Variants in SCUBE1 observed in about 807,000 individuals in gnomAD.
SCUBE1 encodes the protein signal peptide, CUB domain and EGF like domain containing 1.
In SCUBE1, 59 loss-of-function variants were observed where a neutral mutation model predicts 124.4. The observed-to-expected ratio is 0.47, with a 90% confidence interval of 0.38 to 0.59. The LOEUF is 0.59. Among genes scored for constraint, SCUBE1 ranks in the 20% least tolerant of loss-of-function variants. The pLI is 0.00. For synonymous variants in SCUBE1, 545 were observed against 550.9 expected (o/e 0.99, Z 0.15); for missense variants, 1,150 against 1,371.2 (o/e 0.84, Z 2.55).
intron 4 of SCUBE1, among the ~76,000 whole-genome samples, chr22:43,278,937 C>T (rs1011705223): frequency 2.0e-5 from 3 of 152,110 alleles, no homozygotes; most frequent in Non-Finnish European, 4.4e-5. Flanking sequence ...CTCCTGAGGA[C>T]ACCTGTGGGC....
At chr22:43,259,939 T>C (rs1923810798) in intron 5 of SCUBE1, among the ~76,000 whole-genome samples, 1 of 152,148 alleles carries the variant, frequency 6.6e-6, no homozygotes. Flanking sequence ...GGATGAGAGC[T>C]CAGCTTTCAT....
intron 3 of SCUBE1, among the ~76,000 whole-genome samples, chr22:43,308,138 A>G (rs1009401924): frequency 2.6e-5 from 4 of 152,244 alleles, no homozygotes; most frequent in African/African-American, 9.6e-5. Context: ...TTGGGAAAAG[A>G]AGGAAGCGAG....
intron 7 of SCUBE1, chr22:43,238,051 T>TCGAGAGCCCACCCAGCTCTCC (rs1269388190): frequency 6.6e-6 from 1 of 152,578 alleles, no homozygotes; most frequent in African/African-American, 2.4e-5. Context: ...CAGGGCTGTC[T>TCGAGAGCCCACCCAGCTCTCC]CGAGAGCCCA....
chr22:43,253,274 A>C (rs1923527691), intron 6 of SCUBE1, among the ~76,000 whole-genome samples: 1 of 152,158 alleles, frequency 6.6e-6, no homozygotes, highest in Non-Finnish European at 1.5e-5. Context: ...CTTAGAGGAG[A>C]TGGTGCTAAG....
intron 3 of SCUBE1, among the ~76,000 whole-genome samples, chr22:43,293,301 T>C (rs1157655371): frequency 6.6e-6 from 1 of 152,242 alleles, no homozygotes; most frequent in African/African-American, 2.4e-5. Context: ...TGACAGGTCA[T>C]GTTATTGACC....
At chr22:43,276,882 T>C (rs1417888810) in intron 4 of SCUBE1, among the ~76,000 whole-genome samples, 1 of 152,220 alleles carries the variant, frequency 6.6e-6, no homozygotes. Context: ...CAGGGCAGCA[T>C]GCTTTCGGTT....
intron 6 of SCUBE1, among the ~76,000 whole-genome samples, chr22:43,241,072 C>T (rs112004665): frequency 0.085 from 12,914 of 152,112 alleles, 582 homozygotes; most frequent in Non-Finnish European, 0.11. Context: ...GAGACAGACC[C>T]GGCCAAACAG....
intron 2 of SCUBE1, among the ~76,000 whole-genome samples, chr22:43,320,905 C>G (rs1410004933): frequency 6.6e-6 from 1 of 152,238 alleles, no homozygotes; most frequent in Non-Finnish European, 1.5e-5. Flanking sequence ...CCGGTCACAC[C>G]TGGCGTCCTT....
intron 8 of SCUBE1, 30 bp from the exon 9 acceptor site, chr22:43,229,218 G>A: frequency 7.1e-7 from 1 of 1,400,196 alleles, no homozygotes; most frequent in Admixed American, 1.7e-5. Context: ...CAAAGTTGGG[G>A]GAGGAGTTTG....
At chr22:43,219,803 TG>T (rs986107377) in intron 14 of SCUBE1, among the ~76,000 whole-genome samples, 1 of 152,118 alleles carries the variant, frequency 6.6e-6, no homozygotes, top group East Asian at 1.9e-4. Context: ...AGCCCTCCCG[TG>T]GGGGGCAGAC....
intron 8 of SCUBE1, among the ~76,000 whole-genome samples, chr22:43,229,410 G>C (rs560096402): frequency 6.6e-6 from 1 of 152,190 alleles, no homozygotes; most frequent in Non-Finnish European, 1.5e-5. Flanking sequence ...GCCACCTCAC[G>C]TCTTTTCTGG....
At chr22:43,271,387 C>T (rs1006602434) in intron 4 of SCUBE1, among the ~76,000 whole-genome samples, 3 of 152,302 alleles carry the variant, frequency 2.0e-5, no homozygotes, top group South Asian at 2.1e-4. Context: ...GCACAGAAAC[C>T]GTCTGATAAA....
chr22:43,264,321 G>T (rs1192023871), intron 4 of SCUBE1, among the ~76,000 whole-genome samples: 1 of 152,230 alleles, frequency 6.6e-6, no homozygotes, highest in Admixed American at 6.5e-5. Context: ...TCTCACAGAG[G>T]AGCTGTGCAA....
At chr22:43,297,450 G>A (rs1016166395) in intron 3 of SCUBE1, among the ~76,000 whole-genome samples, 6 of 152,216 alleles carry the variant, frequency 3.9e-5, no homozygotes, top group African/African-American at 1.2e-4. Context: ...GGCGGCGGAC[G>A]GCCCTCAGCT....
chr22:43,271,768 T>C (rs1924301828), intron 4 of SCUBE1, among the ~76,000 whole-genome samples: 1 of 152,094 alleles, frequency 6.6e-6, no homozygotes, highest in Admixed American at 6.5e-5. Flanking sequence ...TAGGGGGTAG[T>C]CCCCTCTGGG....
At chr22:43,298,226 A>C (rs1338893499) in intron 3 of SCUBE1, among the ~76,000 whole-genome samples, 2 of 152,252 alleles carry the variant, frequency 1.3e-5, no homozygotes, top group Non-Finnish European at 1.5e-5. Context: ...TGCCAGATCC[A>C]GAACACTCTC....
intron 4 of SCUBE1, among the ~76,000 whole-genome samples, chr22:43,267,150 C>T (rs1601841704): frequency 2.0e-5 from 3 of 152,068 alleles, no homozygotes; most frequent in East Asian, 3.9e-4. Flanking sequence ...TAGTTGCTTC[C>T]GTCACACTCT....
intron 3 of SCUBE1, among the ~76,000 whole-genome samples, chr22:43,313,771 G>T (rs1051478787): frequency 6.6e-6 from 1 of 152,184 alleles, no homozygotes; most frequent in Non-Finnish European, 1.5e-5. Flanking sequence ...TCACAGGCAG[G>T]CCATCTCCAC....
intron 4 of SCUBE1, among the ~76,000 whole-genome samples, chr22:43,276,874 G>C (rs1601849286): frequency 6.6e-6 from 1 of 152,338 alleles, no homozygotes; most frequent in African/African-American, 2.4e-5. Flanking sequence ...CTTCCCTCCA[G>C]GGCAGCATGC....
Sources: allele counts gnomAD v4.1 joint callset (sites outside exome capture counted in the v4.1 genomes callset), GRCh38; gene constraint gnomAD v4.1.1; transcripts MANE v1.5; gene names NCBI Gene and HGNC (gene_info 2026-07-23, HGNC 2026-07-21).